The following MAP3K20 variants were observed in gnomAD, a reference collection of about 807,000 sequenced individuals.
The protein encoded by MAP3K20 is mitogen-activated protein kinase kinase kinase 20, also known as HCCS-4.
In MAP3K20, 40 loss-of-function variants were observed where a neutral mutation model predicts 85.7. That is an observed-to-expected ratio of 0.47 (90% CI 0.36 to 0.61). MAP3K20 has a LOEUF of 0.61. Among genes scored for constraint, MAP3K20 ranks in the 20% least tolerant of loss-of-function variants. MAP3K20 has a pLI of 0.00. For missense variants in MAP3K20, 817 were observed against 961.7 expected (o/e 0.85, Z 1.99); for synonymous variants, 325 against 327.7 (o/e 0.99, Z 0.09).
intron 11 of MAP3K20, among the ~76,000 whole-genome samples, chr2:173,227,851 G>A (rs970820077): frequency 3.9e-5 from 6 of 152,200 alleles, no homozygotes; most frequent in East Asian, 3.9e-4. Flanking sequence ...TTTCTTGAAC[G>A]AACCAAAAAA....
chr2:173,219,444 A>G (rs192086068), intron 11 of MAP3K20, among the ~76,000 whole-genome samples: 171 of 152,320 alleles, frequency 1.1e-3, no homozygotes, highest in Non-Finnish European at 1.8e-3. Context: ...TTTTAAGAAT[A>G]TAGGCTTATC....
At chr2:173,220,046 C>T (rs1026700792) in intron 11 of MAP3K20, among the ~76,000 whole-genome samples, 23 of 133,654 alleles carry the variant, frequency 1.7e-4, no homozygotes, top group South Asian at 9.7e-4. Context: ...CCAGCCTGGG[C>T]AACAGTGCTA....
intron 14 of MAP3K20, among the ~76,000 whole-genome samples, chr2:173,234,698 C>A (rs1023182442): frequency 6.6e-6 from 1 of 152,194 alleles, no homozygotes; most frequent in Non-Finnish European, 1.5e-5. Flanking sequence ...GGAGTCCCGA[C>A]CTACGTAGCA....
intron 2 of MAP3K20, among the ~76,000 whole-genome samples, chr2:173,108,751 C>A (rs1687857430): frequency 6.6e-6 from 1 of 152,154 alleles, no homozygotes; most frequent in African/African-American, 2.4e-5. Context: ...ATCATCCTCA[C>A]TTTTAGGAAT....
At chr2:173,263,448 C>T (rs1233719744) in intron 18 of MAP3K20, among the ~76,000 whole-genome samples, 1 of 152,128 alleles carries the variant, frequency 6.6e-6, no homozygotes, top group Non-Finnish European at 1.5e-5. Flanking sequence ...AAAAGACAAC[C>T]ATATTTTTTA....
At chr2:173,194,841 A>G (rs1574096229) in intron 7 of MAP3K20, among the ~76,000 whole-genome samples, 1 of 152,046 alleles carries the variant, frequency 6.6e-6, no homozygotes, top group Non-Finnish European at 1.5e-5. Context: ...AGACTGCTGT[A>G]AGAATTTAGC....
intron 2 of MAP3K20, among the ~76,000 whole-genome samples, chr2:173,115,455 T>TA (rs1391588672): frequency 6.6e-6 from 1 of 152,182 alleles, no homozygotes; most frequent in African/African-American, 2.4e-5. Flanking sequence ...TGCTGGTGGC[T>TA]AGTGTGATTT....
At chr2:173,226,968 C>G (rs1259757284) in intron 11 of MAP3K20, 29 of 985,586 alleles carry the variant, frequency 2.9e-5, no homozygotes, top group Non-Finnish European at 3.3e-5. Flanking sequence ...AAATTTTACT[C>G]TTGTGTGGTA....
intron 11 of MAP3K20, chr2:173,222,836 T>C (rs1299005640): frequency 1.0e-6 from 1 of 985,282 alleles, no homozygotes; most frequent in Non-Finnish European, 1.2e-6. Flanking sequence ...CCAAGGATAT[T>C]CTCAGAATGT....
intron 2 of MAP3K20, among the ~76,000 whole-genome samples, chr2:173,116,621 C>T (rs925559198): frequency 6.6e-6 from 1 of 152,208 alleles, no homozygotes; most frequent in Non-Finnish European, 1.5e-5. Context: ...ACAATCCCAC[C>T]TTGCGTGTCT....
At chr2:173,220,873 G>A (rs1012192821) in intron 11 of MAP3K20, among the ~76,000 whole-genome samples, 1 of 152,140 alleles carries the variant, frequency 6.6e-6, no homozygotes, top group Non-Finnish European at 1.5e-5. Context: ...CAAAATGAGG[G>A]CTTAAAACTT....
chr2:173,257,876 G>A (rs1685196157), intron 16 of MAP3K20, among the ~76,000 whole-genome samples: 1 of 151,998 alleles, frequency 6.6e-6, no homozygotes, highest in African/African-American at 2.4e-5. Context: ...ACCTCATTGT[G>A]GATTTAATTT....
intron 2 of MAP3K20, among the ~76,000 whole-genome samples, chr2:173,105,634 T>C (rs570973395): frequency 6.6e-6 from 1 of 152,296 alleles, no homozygotes; most frequent in East Asian, 1.9e-4. Flanking sequence ...TGAAAACGTA[T>C]GCTAAGTAAA....
intron 3 of MAP3K20, among the ~76,000 whole-genome samples, chr2:173,178,075 C>G (rs2106260063): frequency 6.6e-6 from 1 of 152,140 alleles, no homozygotes; most frequent in Admixed American, 6.5e-5. Flanking sequence ...ATTTATTAAT[C>G]TAAAGACTAG....
chr2:173,110,293 A>T (rs1373403404), intron 2 of MAP3K20, among the ~76,000 whole-genome samples: 1 of 91,974 alleles, frequency 1.1e-5, no homozygotes, highest in Admixed American at 1.5e-4. Context: ...TTGCTTTGTC[A>T]CCCAGGCTGG....
intron 14 of MAP3K20, among the ~76,000 whole-genome samples, chr2:173,237,461 T>C (rs1402023477): frequency 1.3e-5 from 2 of 152,184 alleles, no homozygotes; most frequent in Non-Finnish European, 2.9e-5. Context: ...TAAGTGTTCA[T>C]TACATTGTCA....
At chr2:173,135,974 A>G (rs761107408) in intron 2 of MAP3K20, among the ~76,000 whole-genome samples, 5 of 152,236 alleles carry the variant, frequency 3.3e-5, no homozygotes, top group African/African-American at 4.8e-5. Flanking sequence ...GTGAGCATCT[A>G]AGTGGTTGGT....
In MAP3K20 at chr2:173,266,190, G is replaced by A. The variant is rs200821510; in HGVS notation, c.1843G>A (p.Val615Met). 14 of 1,614,100 alleles carry A rather than the reference G, an allele frequency of 8.7e-6. No homozygotes were observed. The highest frequency in any genetic ancestry group is 1.2e-5 in the Non-Finnish European group (14 of 1,180,014). ...FDGQDSYAAA[V>M]RRPQVPIKYQ... ...TGGCCAGGATTCCTACGCTGCTGCT[G>A]TGAGACGGCCCCAGGTGCCCATTAA... The change falls in exon 20 of 20, where the codon GTG becomes ATG. Residue 615 changes from valine to methionine, a missense_variant. Val to Met is a conservative substitution (Grantham distance 21). Transcript: ENST00000375213.
At chr2:173,154,773 T>A (rs151261207) in intron 2 of MAP3K20, among the ~76,000 whole-genome samples, 2,719 of 152,262 alleles carry the variant, frequency 0.018, 38 homozygotes, top group Middle Eastern at 0.034. Context: ...AGGAGAGGCA[T>A]GGTTACATTT....
Sources: allele counts gnomAD v4.1 joint callset (sites outside exome capture counted in the v4.1 genomes callset), GRCh38; gene constraint gnomAD v4.1.1; transcripts MANE v1.5; gene names NCBI Gene and HGNC (gene_info 2026-07-23, HGNC 2026-07-21).